CCDC88C: variants seen among roughly 807,000 people sequenced by gnomAD.
CCDC88C encodes protein Daple.
A neutral mutation model predicts 198.8 loss-of-function variants in CCDC88C; 131 were observed. That is an observed-to-expected ratio of 0.66 (90% CI 0.57 to 0.76). The LOEUF (loss-of-function observed/expected upper bound fraction) is 0.76, where lower values mean the gene tolerates loss of function less well. Among genes scored for constraint, CCDC88C ranks in the 30% least tolerant of loss-of-function variants. CCDC88C has a pLI of 0.00. For missense variants in CCDC88C, 2,553 were observed against 2,631.6 expected (o/e 0.97, Z 0.65); for synonymous variants, 1,166 against 1,114.7 (o/e 1.05, Z -0.92).
intron 10 of CCDC88C, among the ~76,000 whole-genome samples, chr14:91,329,562 T>TTCATTCACAGGCAAGCATCAAG (rs542023935): frequency 6.6e-6 from 1 of 152,296 alleles, no homozygotes; most frequent in Non-Finnish European, 1.5e-5. Context: ...GAAGCTCACG[T>TTCATTCACAGGCAAGCATCAAG]TCATTCACAG....
intron 3 of CCDC88C, among the ~76,000 whole-genome samples, chr14:91,394,762 T>C (rs1335857701): frequency 6.6e-6 from 1 of 152,152 alleles, no homozygotes; most frequent in African/African-American, 2.4e-5. Flanking sequence ...CAGCTTAAAA[T>C]AAAACGATCA....
chr14:91,310,037 G>A (rs1891749820), intron 15 of CCDC88C, 51 bp from the exon 16 acceptor site: 2 of 1,510,436 alleles, frequency 1.3e-6, no homozygotes, highest in South Asian at 2.4e-5. Flanking sequence ...AAACACGCAG[G>A]AAGGCCAGGC....
intron 20 of CCDC88C, 141 bp from the exon 21 acceptor site, chr14:91,300,211 G>A: frequency 7.8e-7 from 1 of 1,289,948 alleles, no homozygotes; most frequent in Non-Finnish European, 1.1e-6. Context: ...GAGGGGCATG[G>A]GGCAGGGAAC....
chr14:91,346,705 C>G, intron 4 of CCDC88C, among the ~76,000 whole-genome samples: 1 of 152,128 alleles, frequency 6.6e-6, no homozygotes, highest in South Asian at 2.1e-4. Context: ...TCGAAACCAG[C>G]CTGGCCAACA....
At chr14:91,378,714 ATT>A (rs1329161187) in intron 3 of CCDC88C, 1 of 152,248 alleles carries the variant, frequency 6.6e-6, no homozygotes, top group Non-Finnish European at 1.5e-5. Context: ...TTTTAACTTT[ATT>A]TTTAAAAGGC....
chr14:91,291,825 T>A (rs888155094), intron 23 of CCDC88C, among the ~76,000 whole-genome samples: 2 of 152,182 alleles, frequency 1.3e-5, no homozygotes, highest in Non-Finnish European at 2.9e-5. Flanking sequence ...CAAAGAGATA[T>A]CTCTTGAATC....
chr14:91,370,749 G>C (rs1288104416), intron 3 of CCDC88C, among the ~76,000 whole-genome samples: 1 of 152,190 alleles, frequency 6.6e-6, no homozygotes, highest in African/African-American at 2.4e-5. Context: ...GGGTCAGTAG[G>C]TGGACACATC....
chr14:91,345,190 A>ATATTTTTT (rs1246878587), intron 4 of CCDC88C, among the ~76,000 whole-genome samples: 34 of 52,204 alleles, frequency 6.5e-4, no homozygotes, highest in East Asian at 1.1e-3. Flanking sequence ...ATATATATAT[A>ATATTTTTT]TTTTTTTTTT....
chr14:91,333,415 AT>A (rs1315862994), intron 10 of CCDC88C, among the ~76,000 whole-genome samples: 1 of 152,132 alleles, frequency 6.6e-6, no homozygotes, highest in East Asian at 1.9e-4. Flanking sequence ...TTCCTAACAG[AT>A]TGAGTTGGTG....
At chr14:91,399,838 CAA>C (rs71120133) in intron 3 of CCDC88C, among the ~76,000 whole-genome samples, 13 of 75,156 alleles carry the variant, frequency 1.7e-4, no homozygotes, top group Admixed American at 1.4e-4. Context: ...GACTCCCTCT[CAA>C]AAAAAAAAAA....
At chr14:91,290,377 G>A (rs1049664336) in intron 24 of CCDC88C, among the ~76,000 whole-genome samples, 9 of 152,360 alleles carry the variant, frequency 5.9e-5, no homozygotes, top group African/African-American at 2.2e-4. Flanking sequence ...GACCTCAAGG[G>A]ATTTGCAGTG....
chr14:91,413,053 AGCTAGCACCAGG>A (rs1886868665), intron 2 of CCDC88C, among the ~76,000 whole-genome samples: 1 of 152,158 alleles, frequency 6.6e-6, no homozygotes. Context: ...TGAATTTTGC[AGCTAGCACCAGG>A]GGTCACAAGC....
Position 91,417,673 on chromosome 14 carries a change from C to A in CCDC88C, c.18G>T (p.Ser6=). The part of the protein sequence containing the change: MDVTV[S]ELLELFLQSP... ...TCTGCAGGAAGAGCTCCAGGAGCTC[C>A]GAGACTGTCACGTCCATGCTGAGGC... The change falls in exon 1 of 30, where the codon TCG becomes TCT. Residue 6 remains serine (S), a synonymous_variant. Transcript: ENST00000389857. 1.3e-6 allele frequency: 2 copies of A among 1,581,564 alleles called. No individual in the cohort carries two copies. The highest frequency in any genetic ancestry group is 1.7e-6 in the Non-Finnish European group (2 of 1,167,570).
At chr14:91,280,101 C>T (rs994174256) in intron 27 of CCDC88C, 1 of 152,264 alleles carries the variant, frequency 6.6e-6, no homozygotes, top group African/African-American at 2.4e-5. Flanking sequence ...CTGGGCCACT[C>T]CTCCAGCGGC....
At chr14:91,329,681 A>C (rs1323950278) in intron 10 of CCDC88C, among the ~76,000 whole-genome samples, 1 of 152,242 alleles carries the variant, frequency 6.6e-6, no homozygotes, top group African/African-American at 2.4e-5. Flanking sequence ...GTTATTAATT[A>C]ATCAATTGTC....
At chr14:91,403,081 A>C (rs1886299955) in intron 3 of CCDC88C, among the ~76,000 whole-genome samples, 1 of 152,172 alleles carries the variant, frequency 6.6e-6, no homozygotes, top group South Asian at 2.1e-4. Context: ...CTTTTGCTTG[A>C]AGGAGGGCAC....
At chr14:91,306,852 G>A (rs1891574468) in intron 18 of CCDC88C, among the ~76,000 whole-genome samples, 186 bp downstream of exon 18, 3 of 152,238 alleles carry the variant, frequency 2.0e-5, no homozygotes, top group Admixed American at 6.5e-5. Flanking sequence ...CCCCTGATGT[G>A]AGAATCACGG....
rs187949234 is a variant in CCDC88C, at chr14:91,272,731, C to T, written c.5981G>A (p.Arg1994Gln). ...RSPDLAPHLG[R>Q]ALEDCSRGSV... ...CCCTCGACTGCAGTCCTCCAGGGCC[C>T]GGCCGAGGTGGGGAGCCAAATCGGG... The change falls in exon 30 of 30, where the codon CGG (arginine) becomes CAG (glutamine). Residue 1994 changes from arginine (R) to glutamine (Q), a missense_variant. By Grantham distance (43) the Arg-to-Gln change is conservative. Coordinates refer to ENST00000389857, the MANE Select transcript of CCDC88C (RefSeq NM_001080414.4). 4.2e-5 allele frequency: 67 copies of T among 1,610,252 alleles called. No individual in the cohort carries two copies. The highest frequency in any genetic ancestry group is 2.6e-4 in the South Asian group (24 of 90,954).
intron 19 of CCDC88C, 80 bp from the exon 20 acceptor site, chr14:91,304,058 C>A: frequency 6.6e-7 from 1 of 1,512,738 alleles, no homozygotes. Context: ...AGTGCTCGAG[C>A]AGACACGAAA....
Sources: allele counts gnomAD v4.1 joint callset (sites outside exome capture counted in the v4.1 genomes callset), GRCh38; gene constraint gnomAD v4.1.1; transcripts MANE v1.5; gene names NCBI Gene and HGNC (gene_info 2026-07-23, HGNC 2026-07-21).